Variants in RALGPS1 observed in about 807,000 individuals in gnomAD.
RALGPS1 encodes ras-specific guanine nucleotide-releasing factor RalGPS1.
In RALGPS1, 19 loss-of-function variants were observed where a neutral mutation model predicts 78.8. The ratio of observed to expected loss-of-function variants is 0.24; its 90% CI spans 0.17 to 0.35. The LOEUF is 0.35. Among genes scored for constraint, RALGPS1 ranks in the 10% least tolerant of loss-of-function variants. The pLI, the probability that RALGPS1 is intolerant of heterozygous loss-of-function variation, is 1.00. For synonymous variants in RALGPS1, 228 were observed against 256.3 expected (o/e 0.89, Z 1.06); for missense variants, 454 against 688.3 (o/e 0.66, Z 3.81).
chr9:126,998,266 A>G (rs2042960602), intron 4 of RALGPS1, among the ~76,000 whole-genome samples: 1 of 152,102 alleles, frequency 6.6e-6, no homozygotes, highest in African/African-American at 2.4e-5. Flanking sequence ...TTTGCAACCT[A>G]CTCATCTGAC....
chr9:127,062,996 C>T (rs1034724943), intron 7 of RALGPS1, among the ~76,000 whole-genome samples: 2 of 152,160 alleles, frequency 1.3e-5, no homozygotes, highest in African/African-American at 4.8e-5. Flanking sequence ...AAATTCTTTG[C>T]ATATCAACAG....
At chr9:127,217,419 G>C (rs536446674) in intron 18 of RALGPS1, 12 of 988,798 alleles carry the variant, frequency 1.2e-5, no homozygotes, top group Non-Finnish European at 1.3e-5. Context: ...GTGTAAGAAA[G>C]AGTGTGACAG....
intron 1 of RALGPS1, among the ~76,000 whole-genome samples, chr9:126,942,174 A>G (rs2036853444): frequency 1.3e-5 from 2 of 152,032 alleles, no homozygotes; most frequent in South Asian, 4.2e-4. Context: ...CCCTTTTCCC[A>G]GTTTATTGAC....
intron 4 of RALGPS1, among the ~76,000 whole-genome samples, chr9:126,982,160 C>T (rs1344076338): frequency 6.6e-6 from 1 of 152,170 alleles, no homozygotes; most frequent in Non-Finnish European, 1.5e-5. Flanking sequence ...GTCATTTGCA[C>T]AGTATCCTAT....
intron 4 of RALGPS1, among the ~76,000 whole-genome samples, chr9:127,012,321 C>T (rs759825042): frequency 6.6e-6 from 1 of 152,142 alleles, no homozygotes; most frequent in Admixed American, 6.5e-5. Context: ...AAAGTTTAAG[C>T]TTAAAAAGCC....
rs1160251459 is a variant in RALGPS1 at position 127,164,534 on chromosome 9, CTTTTTT to C, written c.611-1517_611-1512del. Among the ~76,000 whole-genome samples the C allele has an allele frequency of 6.4e-5, 4 of 62,798 alleles. 1 individual carries two copies. Among genetic ancestry groups the C allele is most frequent in the South Asian group, 1.7e-3 (2 of 1,192 alleles). The allele number at this position is 62,798 out of a possible 152,430, so 41.2% of individuals were successfully genotyped here. On this transcript the variant is annotated intron_variant, in intron 8 of 18. Coordinates refer to ENST00000259351, the MANE Select transcript of RALGPS1 (RefSeq NM_014636.3). ...ACAGGCATGAGCCACCATGCCTGGC[CTTTTTT>C]TTTTTTTTTTTTTTTTTGAGACAGA...
At chr9:127,099,635 C>G (rs1030940612) in intron 8 of RALGPS1, among the ~76,000 whole-genome samples, 1 of 152,246 alleles carries the variant, frequency 6.6e-6, no homozygotes, top group Non-Finnish European at 1.5e-5. Flanking sequence ...TGGGGGTCTT[C>G]GAATCTCATT....
chr9:127,101,242 C>T (rs1365123197), intron 8 of RALGPS1, among the ~76,000 whole-genome samples: 1 of 152,250 alleles, frequency 6.6e-6, no homozygotes, highest in Non-Finnish European at 1.5e-5. Flanking sequence ...CGTTTCATTT[C>T]ATCCTCATAA....
At chr9:127,105,473 G>A (rs1307406021) in intron 8 of RALGPS1, among the ~76,000 whole-genome samples, 1 of 152,180 alleles carries the variant, frequency 6.6e-6, no homozygotes, top group Non-Finnish European at 1.5e-5. Context: ...AGTCACTTGG[G>A]TTCCCAACTC....
chr9:127,030,029 A>T (rs57995109), intron 4 of RALGPS1, among the ~76,000 whole-genome samples: 57,497 of 152,158 alleles, frequency 0.38, 12,680 homozygotes, highest in Non-Finnish European at 0.48. Flanking sequence ...TGTCTTTGTG[A>T]TAAACATTCT....
At chr9:127,016,543 T>G (rs2044845323) in intron 4 of RALGPS1, 1 of 152,238 alleles carries the variant, frequency 6.6e-6, no homozygotes, top group African/African-American at 2.4e-5. Flanking sequence ...GTGAACGGCA[T>G]GTGTCCTTGT....
chr9:127,070,459 A>G (rs1564522653), intron 8 of RALGPS1, among the ~76,000 whole-genome samples: 1 of 152,222 alleles, frequency 6.6e-6, no homozygotes, highest in Non-Finnish European at 1.5e-5. Context: ...AACGTATGCA[A>G]AAACGTATGC....
intron 4 of RALGPS1, among the ~76,000 whole-genome samples, chr9:127,021,627 C>CTTTTTT (rs58796181): frequency 7.6e-6 from 1 of 131,998 alleles, no homozygotes; most frequent in Non-Finnish European, 1.6e-5. Context: ...TCTTCTTCTT[C>CTTTTTT]TTTTTTTTTT....
intron 8 of RALGPS1, among the ~76,000 whole-genome samples, chr9:127,071,669 A>T (rs953777510): frequency 2.0e-5 from 3 of 151,792 alleles, no homozygotes; most frequent in African/African-American, 7.3e-5. Flanking sequence ...GTTGCATCCT[A>T]CGTGTTTTGG....
chr9:126,994,822 A>T (rs1047618907), intron 4 of RALGPS1, among the ~76,000 whole-genome samples: 1 of 152,170 alleles, frequency 6.6e-6, no homozygotes, highest in African/African-American at 2.4e-5. Context: ...TCAGACTAAC[A>T]GCTGATCTCT....
At chr9:127,144,831 C>T (rs928181516) in intron 8 of RALGPS1, among the ~76,000 whole-genome samples, 4 of 152,060 alleles carry the variant, frequency 2.6e-5, no homozygotes, top group African/African-American at 9.7e-5. Context: ...TAGTGGTAGC[C>T]TAGGCTGGAA....
chr9:127,207,353 C>T (rs2061989150), intron 14 of RALGPS1, among the ~76,000 whole-genome samples: 1 of 152,148 alleles, frequency 6.6e-6, no homozygotes, highest in South Asian at 2.1e-4. Context: ...CTGTTGCAGT[C>T]CTCCTTCTGA....
chr9:127,018,294 A>G (rs1452721344), intron 4 of RALGPS1, among the ~76,000 whole-genome samples: 1 of 134,822 alleles, frequency 7.4e-6, no homozygotes, highest in Non-Finnish European at 1.6e-5. Context: ...GCCTGAGGCT[A>G]TTTTATAGTT....
chr9:126,978,048 A>C (rs2040851426), intron 4 of RALGPS1: 1 of 257,672 alleles, frequency 3.9e-6, no homozygotes, highest in Non-Finnish European at 7.3e-6. Flanking sequence ...CTCCTGCTGA[A>C]AATGTTTGCT....
Sources: gnomAD v4.1 joint callset for allele counts (sites outside exome capture counted in the v4.1 genomes callset) on GRCh38, gnomAD v4.1.1 for gene constraint, MANE v1.5 for transcripts, NCBI Gene and HGNC (gene_info 2026-07-23, HGNC 2026-07-21) for gene names.